Variants in SUV39H2 observed in about 807,000 individuals in gnomAD.
SUV39H2 encodes the protein histone-lysine N-methyltransferase SUV39H2.
A neutral mutation model predicts 47.5 loss-of-function variants in SUV39H2; 10 were observed. That is an observed-to-expected ratio of 0.21 (90% CI 0.13 to 0.36). SUV39H2 has a LOEUF of 0.36. Among genes scored for constraint, SUV39H2 ranks in the 10% least tolerant of loss-of-function variants. SUV39H2 has a pLI of 1.00. For missense variants in SUV39H2, 266 were observed against 487.4 expected, an observed-to-expected ratio of 0.55 and a Z score of 4.28; for synonymous variants, 159 against 166.8, an observed-to-expected ratio of 0.95 and a Z score of 0.36.
chr10:14,881,783 T>A, intron 2 of SUV39H2, 138 bp downstream of exon 2: 2 of 767,280 alleles, frequency 2.6e-6, no homozygotes, highest in South Asian at 3.5e-5. Context: ...TTATATGTCC[T>A]ATCATCTGTG....
chr10:14,884,191 A>G (rs967068417), intron 2 of SUV39H2, among the ~76,000 whole-genome samples: 5 of 152,208 alleles, frequency 3.3e-5, no homozygotes, highest in Admixed American at 3.3e-4. Context: ...TGGGTATATA[A>G]CGAGGAGTGG....
At chr10:14,878,952 T>A in intron 1 of SUV39H2, 33 bp downstream of exon 1, 1 of 1,437,446 alleles carries the variant, frequency 7.0e-7, no homozygotes, top group South Asian at 1.5e-5. Context: ...TCGCCTTCCC[T>A]GTTCCCAGGC....
Position 14,897,000 on chromosome 10 carries a change from C to G in SUV39H2, c.332C>G (p.Thr111Ser). The change falls in exon 3 of 6, where the codon ACT becomes AGT. Residue 111 changes from threonine to serine, a missense_variant. Thr to Ser is a moderately conservative substitution (Grantham distance 58, BLOSUM62 1). Coordinates refer to ENST00000354919, the MANE Select transcript of SUV39H2 (RefSeq NM_001193424.2). The stretch of plus-strand genomic sequence containing the variant: ...CAGGTAAAGAAAGGCAAAGCAATAA[C>G]TCCAAAAGACAATAACAAAACTTTG... ...LSQVKKGKAI[T>S]PKDNNKTLKP... 1 of 1,614,056 alleles carries G rather than the reference C, an allele frequency of 6.2e-7. No individual in the cohort carries two copies. The highest frequency in any genetic ancestry group is 8.5e-7 in the Non-Finnish European group (1 of 1,180,014).
chr10:14,893,164 C>T (rs1047450949), intron 2 of SUV39H2, among the ~76,000 whole-genome samples: 25 of 151,594 alleles, frequency 1.6e-4, no homozygotes, highest in Middle Eastern at 3.4e-3. Context: ...CCACCTCGCC[C>T]GGCTAATTTT....
At chr10:14,896,705 T>A in intron 2 of SUV39H2, 141 bp from the exon 3 acceptor site, 1 of 608,520 alleles carries the variant, frequency 1.6e-6, no homozygotes, top group South Asian at 2.7e-5. Context: ...CTTCATGTGT[T>A]AGGAACCTGT....
rs1359301498 is a variant in SUV39H2 at position 14,902,826 on chromosome 10, T to A, written c.*314T>A. 1.6e-4 allele frequency: 27 copies of A among 167,414 alleles called. No individual in the cohort carries two copies. The Admixed American group carries it at 1.6e-3, about 10-fold the overall frequency. 10.4% of individuals were successfully genotyped at this position (167,414 alleles called of 1,614,324 possible). A position where few individuals can be genotyped will look rare whatever the true frequency, so the allele number is the denominator to read the frequency against. ...ATGCCTCCCGTAGTGTTTGAAAGCGTTAAGCTGATAATGTAATTAACAACT... is the reference window on the plus strand; with the variant it reads ...ATGCCTCCCGTAGTGTTTGAAAGCGATAAGCTGATAATGTAATTAACAACT... On this transcript the variant is annotated 3_prime_UTR_variant, in exon 6 of 6. Transcript: ENST00000354919.
rs943382161 is a variant in SUV39H2 at position 14,904,029 on chromosome 10, G to T, written c.*1517G>T. The T allele has an allele frequency of 2.0e-5, 3 of 152,378 alleles. No individual in the cohort carries two copies. The highest frequency in any genetic ancestry group is 2.0e-4 in the Admixed American group (3 of 15,300). 9.4% of individuals were successfully genotyped at this position (152,378 alleles called of 1,614,324 possible). A position where few individuals can be genotyped will look rare whatever the true frequency, so the allele number is the denominator to read the frequency against. ...AATTGCAGAATGGGGGGCCAGGCCT[G>T]TGTGGTGGCTCACACCTGTGATCCC... On this transcript the variant is annotated 3_prime_UTR_variant, in exon 6 of 6. Coordinates refer to ENST00000354919, the MANE Select transcript of SUV39H2 (RefSeq NM_001193424.2).
At chr10:14,879,774 CAG>C (rs1454555274) in intron 1 of SUV39H2, 1 of 152,156 alleles carries the variant, frequency 6.6e-6, no homozygotes, top group Admixed American at 6.5e-5. Context: ...TGGAGAATGT[CAG>C]GGGTTACTGT....
intron 2 of SUV39H2, among the ~76,000 whole-genome samples, chr10:14,886,868 G>C: frequency 6.6e-6 from 1 of 152,232 alleles, no homozygotes; most frequent in East Asian, 1.9e-4. Flanking sequence ...CCTTGGATAG[G>C]TCACAGAAAG....
intron 2 of SUV39H2, among the ~76,000 whole-genome samples, chr10:14,884,125 G>T (rs1399686842): frequency 6.6e-6 from 1 of 152,168 alleles, no homozygotes; most frequent in Non-Finnish European, 1.5e-5. Context: ...TATAAATAAG[G>T]CTGTTATGAA....
At chr10:14,894,355 GTTTTTTTTTTTTTTTTT>G (rs35812740) in intron 2 of SUV39H2, among the ~76,000 whole-genome samples, 1 of 58,088 alleles carries the variant, frequency 1.7e-5, no homozygotes, top group East Asian at 5.9e-4. Flanking sequence ...AGAAAGCAAA[GTTTTTTTTTTTTTTTTT>G]TTTTTTTTTT....
In SUV39H2 at chr10:14,902,664, G is replaced by A; in HGVS notation, c.*152G>A. 1.8e-6 allele frequency: 1 copy of A among 546,160 alleles called. No homozygotes were observed. Among genetic ancestry groups the A allele is most frequent in the Non-Finnish European group, 3.2e-6 (1 of 312,724 alleles). The allele number at this position is 546,160 out of a possible 1,614,324, so 33.8% of individuals were successfully genotyped here. ...GACATTTGCCAAATGTATTACCGAT[G>A]CCTCTGAAAAGGGGGTCACTGGGTC... is the stretch of plus-strand genomic sequence containing the variant. On this transcript the variant is annotated 3_prime_UTR_variant, in exon 6 of 6. Coordinates refer to ENST00000354919, the MANE Select transcript of SUV39H2 (RefSeq NM_001193424.2).
At position 14,896,448 on chromosome 10, in the gene SUV39H2, T is replaced by G. The variant is rs578157351; in HGVS notation, c.178-398T>G. Reference sequence around the variant, plus strand: ...TGGACGTTAAGAATGCCTGAATCTATTGCTGGCCAAGTAAGCCACTAACCT... The same window carrying G: ...TGGACGTTAAGAATGCCTGAATCTAGTGCTGGCCAAGTAAGCCACTAACCT... On this transcript the variant is annotated intron_variant, in intron 2 of 5. Transcript: ENST00000354919. Among the ~76,000 whole-genome samples the G allele has an allele frequency of 3.0e-3, 457 of 152,306 alleles. 6 individuals carry two copies. The highest frequency in any genetic ancestry group is 0.011 in the African/African-American group (446 of 41,566).
chr10:14,892,915 G>A (rs1199638889), intron 2 of SUV39H2, among the ~76,000 whole-genome samples: 2 of 150,992 alleles, frequency 1.3e-5, no homozygotes, highest in Non-Finnish European at 2.9e-5. Flanking sequence ...CGCCTCCCAG[G>A]TTCAAGCAGT....
chr10:14,881,374 T>G (rs1200021292), intron 1 of SUV39H2, 126 bp from the exon 2 acceptor site: 1 of 759,378 alleles, frequency 1.3e-6, no homozygotes, highest in African/African-American at 1.8e-5. Flanking sequence ...AACTGGTTTC[T>G]TGTCATAGGA....
At chr10:14,886,388 C>T (rs1833208849) in intron 2 of SUV39H2, among the ~76,000 whole-genome samples, 1 of 152,160 alleles carries the variant, frequency 6.6e-6, no homozygotes, top group Non-Finnish European at 1.5e-5. Context: ...ACCATTCTTG[C>T]CATTACTCTA....
chr10:14,902,668 C>A lies in SUV39H2; in HGVS notation c.*156C>A. The A allele has an allele frequency of 1.9e-6, 1 of 533,676 alleles. No homozygotes were observed. Among genetic ancestry groups the A allele is most frequent in the Non-Finnish European group, 3.3e-6 (1 of 302,450 alleles). The allele number at this position is 533,676 out of a possible 1,614,324, so 33.1% of individuals were successfully genotyped here. A position where few individuals can be genotyped will look rare whatever the true frequency, so the allele number is the denominator to read the frequency against. Reference sequence around the variant, plus strand: ...TTTGCCAAATGTATTACCGATGCCTCTGAAAAGGGGGTCACTGGGTCTCAT... The same window carrying A: ...TTTGCCAAATGTATTACCGATGCCTATGAAAAGGGGGTCACTGGGTCTCAT... On this transcript the variant is annotated 3_prime_UTR_variant, in exon 6 of 6. Coordinates refer to ENST00000354919, the MANE Select transcript of SUV39H2 (RefSeq NM_001193424.2).
At chr10:14,901,533 T>C (rs1271803126) in intron 5 of SUV39H2, among the ~76,000 whole-genome samples, 1 of 152,032 alleles carries the variant, frequency 6.6e-6, no homozygotes, top group African/African-American at 2.4e-5. Flanking sequence ...ATCTTAATAC[T>C]GTACTACTTG....
At chr10:14,885,918 A>G (rs1038356767) in intron 2 of SUV39H2, among the ~76,000 whole-genome samples, 1 of 152,168 alleles carries the variant, frequency 6.6e-6, no homozygotes, top group Non-Finnish European at 1.5e-5. Context: ...GATTGCATTC[A>G]AGCCTTGCTT....
Sources: allele counts gnomAD v4.1 joint callset (sites outside exome capture counted in the v4.1 genomes callset), GRCh38; gene constraint gnomAD v4.1.1; transcripts MANE v1.5; gene names NCBI Gene and HGNC (gene_info 2026-07-23, HGNC 2026-07-21).